MTUS2: variants seen among roughly 807,000 people sequenced by gnomAD.
MTUS2 encodes microtubule associated scaffold protein 2.
In MTUS2, 40 loss-of-function variants were observed where a neutral mutation model predicts 114.1. The observed-to-expected ratio is 0.35, with a 90% CI of 0.27 to 0.46. The LOEUF (loss-of-function observed/expected upper bound fraction) is 0.46, where lower values mean the gene tolerates loss of function less well. MTUS2 is among the 20% of genes least tolerant of loss of function. The pLI is 1.00. For synonymous variants in MTUS2, 688 were observed against 672.0 expected, an observed-to-expected ratio of 1.02 and a Z score of -0.37; for missense variants, 1,679 against 1,705.4, an observed-to-expected ratio of 0.98 and a Z score of 0.27.
chr13:29,275,785 G>A lies in MTUS2; in HGVS notation c.2645-5919G>A, dbSNP rs559976807. On this transcript the variant is annotated intron_variant, in intron 5 of 15. Transcript: ENST00000612955. Reference sequence around the variant, plus strand: ...CCATTCACCTATTGATGGACACTTCGGTTGCTTCCAAATTTTGGCAGTTGT... The same window carrying A: ...CCATTCACCTATTGATGGACACTTCAGTTGCTTCCAAATTTTGGCAGTTGT... Among the ~76,000 whole-genome samples, 6 of 152,170 alleles carry A rather than the reference G, an allele frequency of 3.9e-5. No individual in the cohort carries two copies. The East Asian group carries it at 5.8e-4, about 15-fold the overall frequency.
chr13:28,964,755 A>AGACGGAGTCTCGCTC (rs1883502933), intron 2 of MTUS2, among the ~76,000 whole-genome samples: 1 of 60,450 alleles, frequency 1.7e-5, no homozygotes, highest in Non-Finnish European at 4.0e-5. Flanking sequence ...TGTGTTTTTA[A>AGACGGAGTCTCGCTC]TGCCTGGGTC....
chr13:29,389,329 GTATA>G lies in MTUS2; in HGVS notation c.3117+29860_3117+29863del, dbSNP rs201505705. The stretch of plus-strand genomic sequence containing the variant: ...TGTATATATGTATACACATATGTGT[GTATA>G]TATGTATGCACGTGTGTGTATATAT... On this transcript the variant is annotated intron_variant, in intron 8 of 15. Transcript: ENST00000612955. Among the ~76,000 whole-genome samples the G allele has an allele frequency of 2.0e-4, 14 of 70,872 alleles. 2 individuals are homozygous for G. Among genetic ancestry groups the G allele is most frequent in the East Asian group, 4.4e-4 (1 of 2,286 alleles). 46.5% of individuals were successfully genotyped at this position (70,872 alleles called of 152,430 possible).
At chr13:29,209,392 T>C (rs1895328423) in intron 5 of MTUS2, among the ~76,000 whole-genome samples, 1 of 152,138 alleles carries the variant, frequency 6.6e-6, no homozygotes, top group Non-Finnish European at 1.5e-5. Flanking sequence ...ATTCTGTATC[T>C]TTTAAGTGGA....
chr13:29,273,182 T>C (rs1897941337), intron 5 of MTUS2, among the ~76,000 whole-genome samples: 1 of 152,194 alleles, frequency 6.6e-6, no homozygotes, highest in Admixed American at 6.5e-5. Context: ...CAGCTCAGAC[T>C]TACACCTGAT....
intron 2 of MTUS2, among the ~76,000 whole-genome samples, chr13:28,898,609 G>T (rs1361555473): frequency 6.6e-6 from 1 of 152,186 alleles, no homozygotes; most frequent in African/African-American, 2.4e-5. Flanking sequence ...AGTACCATCT[G>T]AGTGCCACAC....
In MTUS2 at chr13:29,287,967, A is replaced by T. The variant is rs142071680; in HGVS notation, c.2806+6102A>T. ...GAGCTGCTATACAGCCTGACGTGTC[A>T]GTCCTGGTCAGGAGGCTGCAGGCTC... On this transcript the variant is annotated intron_variant, in intron 6 of 15. Transcript: ENST00000612955. 8.1e-4 allele frequency among the ~76,000 whole-genome samples: 123 copies of T among 152,340 alleles called. 1 individual carries two copies. The highest frequency in any genetic ancestry group is 3.4e-3 in the Middle Eastern group (1 of 294).
chr13:29,033,853 T>G, intron 3 of MTUS2, 32 bp from the exon 4 acceptor site: 2 of 1,612,422 alleles, frequency 1.2e-6, no homozygotes, highest in Non-Finnish European at 1.7e-6. Flanking sequence ...GATGTGAAGG[T>G]CTCTGATTGA....
intron 6 of MTUS2, among the ~76,000 whole-genome samples, chr13:29,301,461 G>T (rs763829935): frequency 1.3e-5 from 2 of 152,162 alleles, no homozygotes; most frequent in Non-Finnish European, 2.9e-5. Context: ...TAAAAGCCAC[G>T]TTGGACATAT....
At chr13:29,280,506 C>T (rs1898225872) in intron 5 of MTUS2, among the ~76,000 whole-genome samples, 1 of 152,180 alleles carries the variant, frequency 6.6e-6, no homozygotes, top group Admixed American at 6.5e-5. Context: ...TAATCTCTTA[C>T]TCTAAATGGT....
At chr13:29,000,540 A>C (rs1329348717) in intron 2 of MTUS2, among the ~76,000 whole-genome samples, 1 of 151,578 alleles carries the variant, frequency 6.6e-6, no homozygotes, top group East Asian at 1.9e-4. Context: ...TTTTTTTTGT[A>C]GTTTTGGTAG....
intron 7 of MTUS2, among the ~76,000 whole-genome samples, chr13:29,329,270 A>C (rs1900661094): frequency 6.6e-6 from 1 of 151,780 alleles, no homozygotes; most frequent in Non-Finnish European, 1.5e-5. Context: ...TCCTAATGCT[A>C]TCCCTCCCCT....
Position 29,499,361 on chromosome 13 carries a change from C to T in MTUS2, c.3798+824C>T, listed in dbSNP as rs534446915. Among the ~76,000 whole-genome samples, 70 of 152,316 alleles carry T rather than the reference C, an allele frequency of 4.6e-4. No homozygotes were observed. The South Asian group carries it at 0.012, about 25-fold the overall frequency. ...TGTGCAAAGGGAGTGGAGGAGAAGC[C>T]TCCTTCCAAGGGCAGCCCATCTTGA... On this transcript the variant is annotated intron_variant, in intron 14 of 15. Transcript: ENST00000612955.
intron 2 of MTUS2, among the ~76,000 whole-genome samples, chr13:28,969,925 C>T (rs1454382620): frequency 6.6e-6 from 1 of 152,150 alleles, no homozygotes; most frequent in Non-Finnish European, 1.5e-5. Context: ...GGATTATAGG[C>T]GCCTGCCAGC....
intron 5 of MTUS2, among the ~76,000 whole-genome samples, chr13:29,119,385 T>C (rs1404463528): frequency 6.6e-6 from 1 of 152,200 alleles, no homozygotes; most frequent in African/African-American, 2.4e-5. Context: ...TAGTAAATAG[T>C]AGAAAGCAGT....
chr13:29,378,250 C>T (rs1292023096), intron 8 of MTUS2, among the ~76,000 whole-genome samples: 2 of 151,494 alleles, frequency 1.3e-5, no homozygotes, highest in Non-Finnish European at 2.9e-5. Context: ...GCACACAAAG[C>T]ACAAAGTCAG....
intron 4 of MTUS2, among the ~76,000 whole-genome samples, chr13:29,090,711 G>A (rs1479021717): frequency 6.6e-6 from 1 of 152,236 alleles, no homozygotes; most frequent in Non-Finnish European, 1.5e-5. Context: ...TACAAAACTG[G>A]TCATGTTCTG....
chr13:29,385,267 T>C (rs1246767476), intron 8 of MTUS2, among the ~76,000 whole-genome samples: 1 of 152,228 alleles, frequency 6.6e-6, no homozygotes, highest in East Asian at 1.9e-4. Context: ...ATTGTCCCTG[T>C]GGTCCCTAGG....
chr13:28,927,646 G>A (rs1881394810), intron 2 of MTUS2, among the ~76,000 whole-genome samples: 1 of 152,156 alleles, frequency 6.6e-6, no homozygotes, highest in African/African-American at 2.4e-5. Context: ...AATAATCCTA[G>A]AAAATCAGTT....
intron 2 of MTUS2, among the ~76,000 whole-genome samples, chr13:28,895,459 CA>C (rs1392832743): frequency 1.3e-5 from 2 of 152,158 alleles, no homozygotes; most frequent in Admixed American, 6.5e-5. Flanking sequence ...TTTGGAACCA[CA>C]TAACTCCCCA....
Sources: gnomAD v4.1 joint callset for allele counts (sites outside exome capture counted in the v4.1 genomes callset) on GRCh38, gnomAD v4.1.1 for gene constraint, MANE v1.5 for transcripts, NCBI Gene and HGNC (gene_info 2026-07-23, HGNC 2026-07-21) for gene names.